The following LHFPL3 variants were observed in gnomAD, a reference collection of about 807,000 sequenced individuals.
LHFPL3 encodes the protein LHFPL tetraspan subfamily member 3 protein.
In LHFPL3, 5 loss-of-function variants were observed where a neutral mutation model predicts 19.3. That is an observed-to-expected ratio of 0.26 (90% CI 0.14 to 0.54). LHFPL3 has a LOEUF of 0.54. LHFPL3 is among the 20% of genes least tolerant of loss of function. The probability of loss-of-function intolerance (pLI) is 0.94; values close to 1 mark genes in which losing one functional copy is unlikely to be tolerated. For synonymous variants in LHFPL3, 133 were observed against 126.2 expected, an observed-to-expected ratio of 1.05 and a Z score of -0.36; for missense variants, 249 against 307.4, an observed-to-expected ratio of 0.81 and a Z score of 1.42.
intron 1 of LHFPL3, among the ~76,000 whole-genome samples, chr7:104,375,232 C>CG (rs1790689580): frequency 6.6e-6 from 1 of 151,918 alleles, no homozygotes; most frequent in African/African-American, 2.4e-5. Context: ...CCAGCTACAC[C>CG]GGGGGTGAGG....
At chr7:104,593,542 A>T (rs1302427202) in intron 1 of LHFPL3, among the ~76,000 whole-genome samples, 1 of 152,114 alleles carries the variant, frequency 6.6e-6, no homozygotes, top group Admixed American at 6.5e-5. Flanking sequence ...AGTTCTGTAG[A>T]TGTCTATTAG....
At chr7:104,329,480 C>G (rs1469179430) in intron 1 of LHFPL3, among the ~76,000 whole-genome samples, 2 of 152,264 alleles carry the variant, frequency 1.3e-5, no homozygotes, top group Non-Finnish European at 2.9e-5. Flanking sequence ...GAGGGACGCC[C>G]CGGAGGCAGG....
intron 1 of LHFPL3, among the ~76,000 whole-genome samples, chr7:104,607,571 A>T (rs1791126269): frequency 6.6e-6 from 1 of 152,206 alleles, no homozygotes; most frequent in Non-Finnish European, 1.5e-5. Context: ...GGGTTATTGA[A>T]AAAGGGGTGC....
At chr7:104,886,162 T>A (rs2116696366) in intron 2 of LHFPL3, among the ~76,000 whole-genome samples, 1 of 152,342 alleles carries the variant, frequency 6.6e-6, no homozygotes, top group East Asian at 1.9e-4. Context: ...TAGGACTTAC[T>A]CTCCTTTGTC....
Position 104,834,783 on chromosome 7 carries a change from G to A in LHFPL3, c.683-71404G>A, listed in dbSNP as rs1211712775. Among the ~76,000 whole-genome samples the A allele has an allele frequency of 3.3e-5, 5 of 151,902 alleles. 1 individual carries two copies. The highest frequency in any genetic ancestry group is 1.3e-4 in the Admixed American group (2 of 15,268). ...GCTGCTTCAGCTTCATGATGGTTTCGGTGGAACATGCCCAAGGGATTCCTT... is the reference window on the plus strand; with the variant it reads ...GCTGCTTCAGCTTCATGATGGTTTCAGTGGAACATGCCCAAGGGATTCCTT... On this transcript the variant is annotated intron_variant, in intron 2 of 2. Transcript: ENST00000424859.
chr7:104,344,054 T>C (rs917172707), intron 1 of LHFPL3, among the ~76,000 whole-genome samples: 1 of 152,108 alleles, frequency 6.6e-6, no homozygotes, highest in Non-Finnish European at 1.5e-5. Flanking sequence ...CTACACTAAG[T>C]TTTTAAATTG....
chr7:104,548,637 C>G (rs938733326), intron 1 of LHFPL3, among the ~76,000 whole-genome samples: 1 of 152,134 alleles, frequency 6.6e-6, no homozygotes. Context: ...TCTAAATACA[C>G]CACTAAGAAT....
intron 1 of LHFPL3, among the ~76,000 whole-genome samples, chr7:104,679,339 G>A (rs958996229): frequency 6.6e-6 from 1 of 152,214 alleles, no homozygotes; most frequent in Non-Finnish European, 1.5e-5. Flanking sequence ...AAAGTCTGAA[G>A]CTGCAATGTC....
At chr7:104,868,352 CCTT>C (rs1248233708) in intron 2 of LHFPL3, among the ~76,000 whole-genome samples, 4 of 152,154 alleles carry the variant, frequency 2.6e-5, no homozygotes, top group Admixed American at 6.5e-5. Flanking sequence ...CCCAAAATCT[CCTT>C]AAGCTGATAG....
At chr7:104,714,245 C>T (rs936877020) in intron 1 of LHFPL3, among the ~76,000 whole-genome samples, 4 of 152,158 alleles carry the variant, frequency 2.6e-5, no homozygotes, top group South Asian at 2.1e-4. Context: ...TTGATACCTA[C>T]TGCCTTTTTC....
At chr7:104,897,296 G>A (rs1002873012) in intron 2 of LHFPL3, among the ~76,000 whole-genome samples, 4 of 152,154 alleles carry the variant, frequency 2.6e-5, no homozygotes, top group East Asian at 1.9e-4. Context: ...CCGTGGGTGT[G>A]TGTGCTTATG....
intron 2 of LHFPL3, among the ~76,000 whole-genome samples, chr7:104,802,398 G>A (rs950420424): frequency 6.6e-6 from 1 of 151,588 alleles, no homozygotes; most frequent in Admixed American, 6.6e-5. Context: ...TGGGGGCTGA[G>A]GTGGGAGGAT....
In LHFPL3 at chr7:104,668,726, C is replaced by G. The variant is rs1038035301; in HGVS notation, c.446-67949C>G. The G allele has an allele frequency of 6.5e-5, 103 of 1,584,640 alleles. 1 individual carries two copies. The highest frequency in any genetic ancestry group is 2.8e-4 in the South Asian group (25 of 88,798). On this transcript the variant is annotated intron_variant, in intron 1 of 2. Coordinates refer to ENST00000424859, the MANE Select transcript of LHFPL3 (RefSeq NM_199000.3). Reference sequence around the variant, plus strand: ...GGCGTGATGATAGAGGTCCCCCCCCCCCCAAAGACCCAAACTGAATCTAAA... The same window carrying G: ...GGCGTGATGATAGAGGTCCCCCCCCGCCCAAAGACCCAAACTGAATCTAAA...
chr7:104,491,294 G>T (rs1295200102), intron 1 of LHFPL3, among the ~76,000 whole-genome samples: 1 of 152,054 alleles, frequency 6.6e-6, no homozygotes, highest in Non-Finnish European at 1.5e-5. Context: ...TAACTTTTGG[G>T]CAAGCTTTAG....
chr7:104,528,962 T>C (rs1022208208), intron 1 of LHFPL3, among the ~76,000 whole-genome samples: 6 of 152,198 alleles, frequency 3.9e-5, no homozygotes, highest in Non-Finnish European at 5.9e-5. Context: ...CTTTTATGCA[T>C]GGCTTGCTCT....
intron 2 of LHFPL3, among the ~76,000 whole-genome samples, chr7:104,884,521 G>A (rs1391364695): frequency 2.0e-5 from 3 of 152,122 alleles, no homozygotes; most frequent in Non-Finnish European, 2.9e-5. Context: ...AATTTTACAC[G>A]TGATAAAGCT....
At position 104,638,769 on chromosome 7, in the gene LHFPL3, T is replaced by A. The variant is rs201238153; in HGVS notation, c.446-97906T>A. Among the ~76,000 whole-genome samples the A allele has an allele frequency of 4.5e-3, 675 of 151,430 alleles. 38 individuals carry two copies. The East Asian group carries it at 0.11, about 25-fold the overall frequency. On this transcript the variant is annotated intron_variant, in intron 1 of 2. Transcript: ENST00000424859. ...CTTGATCATGGTGGGGTAGCTTTTT[T>A]TTTTTTTTCTTGAGACAGAGTCTCA...
intron 1 of LHFPL3, among the ~76,000 whole-genome samples, chr7:104,395,895 A>G (rs1791173974): frequency 6.6e-6 from 1 of 152,218 alleles, no homozygotes; most frequent in Non-Finnish European, 1.5e-5. Flanking sequence ...ATGAATGTGC[A>G]CTTATTAGTA....
chr7:104,464,793 G>C (rs1271689218), intron 1 of LHFPL3, among the ~76,000 whole-genome samples: 2 of 152,194 alleles, frequency 1.3e-5, no homozygotes, highest in African/African-American at 2.4e-5. Flanking sequence ...CTCTGGGCCT[G>C]TGATGAGAGG....
Sources: allele counts gnomAD v4.1 joint callset (sites outside exome capture counted in the v4.1 genomes callset), GRCh38; gene constraint gnomAD v4.1.1; transcripts MANE v1.5; gene names NCBI Gene and HGNC (gene_info 2026-07-23, HGNC 2026-07-21).